The following ARAP2 variants were observed in gnomAD, a reference collection of about 807,000 sequenced individuals.
ARAP2 encodes the protein ArfGAP with RhoGAP domain, ankyrin repeat and PH domain 2.
ARAP2 carries 148 observed loss-of-function variants against 194.5 expected under a neutral mutation model. The ratio of observed to expected loss-of-function variants is 0.76; its 90% CI spans 0.67 to 0.87. The LOEUF is 0.87. Ranked by LOEUF, ARAP2 falls within the 40% of genes least tolerant of loss-of-function variation. The pLI is 0.00. For synonymous variants in ARAP2, 695 were observed against 683.5 expected, an observed-to-expected ratio of 1.02 and a Z score of -0.26; for missense variants, 2,128 against 1,989.7, an observed-to-expected ratio of 1.07 and a Z score of -1.32.
chr4:36,071,001 A>G (rs140721348), intron 32 of ARAP2, among the ~76,000 whole-genome samples: 1 of 152,278 alleles, frequency 6.6e-6, no homozygotes, highest in African/African-American at 2.4e-5. Flanking sequence ...TGTGCTCAGG[A>G]TACTAACAAC....
At chr4:36,030,174 T>C (rs571461770) in intron 5 of ARAP2, among the ~76,000 whole-genome samples, 9 of 152,210 alleles carry the variant, frequency 5.9e-5, no homozygotes, top group Admixed American at 3.9e-4. Flanking sequence ...GAAAGACAGC[T>C]TGGCTGGAAA....
intron 26 of ARAP2, among the ~76,000 whole-genome samples, chr4:36,108,585 T>A (rs1368240206): frequency 1.3e-5 from 2 of 152,040 alleles, no homozygotes; most frequent in African/African-American, 4.8e-5. Context: ...TTACATGACA[T>A]CTTCAATATA....
At chr4:36,143,688 C>T (rs1044868461) in intron 19 of ARAP2, among the ~76,000 whole-genome samples, 3 of 151,646 alleles carry the variant, frequency 2.0e-5, no homozygotes, top group East Asian at 1.9e-4. Context: ...AATATAATTG[C>T]GTTTAAATGG....
At chr4:36,035,921 T>C (rs1719835343) in intron 5 of ARAP2, among the ~76,000 whole-genome samples, 1 of 152,160 alleles carries the variant, frequency 6.6e-6, no homozygotes, top group African/African-American at 2.4e-5. Flanking sequence ...TATACAGTAT[T>C]AACTTTGTGA....
At chr4:36,148,576 G>T (rs1352994704) in intron 16 of ARAP2, 69 bp from the exon 17 acceptor site, 59 of 1,078,894 alleles carry the variant, frequency 5.5e-5, no homozygotes, top group Non-Finnish European at 7.4e-5. Flanking sequence ...ATAACACAAA[G>T]GTCATGTTTT....
chr4:36,189,907 T>C (rs538311247), intron 7 of ARAP2, among the ~76,000 whole-genome samples: 23 of 152,324 alleles, frequency 1.5e-4, no homozygotes, highest in African/African-American at 5.5e-4. Context: ...AAATATCAAC[T>C]CTTCCAGTCC....
chr4:36,118,166 T>C (rs4833107), intron 24 of ARAP2, among the ~76,000 whole-genome samples: 45,432 of 150,964 alleles, frequency 0.3, 8,088 homozygotes, highest in East Asian at 0.47. Flanking sequence ...TTCCAGTTTT[T>C]CCTCCTGACT....
intron 5 of ARAP2, among the ~76,000 whole-genome samples, chr4:36,211,585 T>A (rs1036635221): frequency 6.6e-6 from 1 of 152,184 alleles, no homozygotes; most frequent in Non-Finnish European, 1.5e-5. Context: ...TATTAGATTA[T>A]GTCAAATGTT....
intron 21 of ARAP2, 28 bp downstream of exon 21, chr4:36,128,500 ACACAT>A: frequency 6.5e-7 from 1 of 1,535,412 alleles, no homozygotes; most frequent in Non-Finnish European, 9.0e-7. Context: ...ACACACACAC[ACACAT>A]ATCTACAAAT....
intron 6 of ARAP2, among the ~76,000 whole-genome samples, chr4:36,209,734 T>A (rs886325219): frequency 6.6e-6 from 1 of 152,144 alleles, no homozygotes; most frequent in Non-Finnish European, 1.5e-5. Flanking sequence ...CAAAAAGACA[T>A]CTAAAAATTA....
chr4:36,193,607 G>A lies in ARAP2; in HGVS notation c.1528C>T (p.Leu510Phe), dbSNP rs780176087. The A allele has an allele frequency of 6.3e-7, 1 of 1,597,694 alleles. No individual in the cohort carries two copies. Among genetic ancestry groups the A allele is most frequent in the Non-Finnish European group, 8.5e-7 (1 of 1,172,836 alleles). ...FQKRWVKFDG[L>F]SISYYNNEKE... ...TCATTATTGTAGTAAGAAATGCTAA[G>A]GCCATCAAATTTCACCCATCTCTTT... is the stretch of plus-strand genomic sequence containing the variant. Residue 510 changes from leucine to phenylalanine, a missense_variant, in exon 7 of 33, where the codon CTT becomes TTT. Transcript: ENST00000303965.
intron 6 of ARAP2, among the ~76,000 whole-genome samples, chr4:36,017,305 T>C (rs1314236216): frequency 1.3e-5 from 2 of 151,810 alleles, no homozygotes; most frequent in African/African-American, 4.8e-5. Flanking sequence ...TGCCAATCAC[T>C]TTTCTTGGCA....
intron 1 of ARAP2, among the ~76,000 whole-genome samples, chr4:36,233,322 C>G (rs1259952211): frequency 6.6e-6 from 1 of 152,196 alleles, no homozygotes. Context: ...ATGCCACAGT[C>G]TAGATCAGTG....
At chr4:36,230,845 A>T (rs1482929984) in intron 1 of ARAP2, among the ~76,000 whole-genome samples, 1 of 152,212 alleles carries the variant, frequency 6.6e-6, no homozygotes, top group African/African-American at 2.4e-5. Flanking sequence ...CCCATAAGCT[A>T]CGGCTTCAAC....
chr4:36,162,067 C>A (rs1734170866), intron 11 of ARAP2, among the ~76,000 whole-genome samples: 2 of 150,088 alleles, frequency 1.3e-5, no homozygotes, highest in East Asian at 2.0e-4. Flanking sequence ...CAGATCTTGC[C>A]ACTGCACTCC....
At position 36,128,736 on chromosome 4, in the gene ARAP2, C is replaced by T. The variant is rs1428243654; in HGVS notation, c.3437G>A (p.Cys1146Tyr). 4 of 1,557,396 alleles carry T rather than the reference C, an allele frequency of 2.6e-6. No individual in the cohort carries two copies. Among genetic ancestry groups the T allele is most frequent in the African/African-American group, 1.7e-5 (1 of 59,394 alleles). Residue 1146 changes from cysteine (C) to tyrosine (Y), a missense_variant, in exon 21 of 33, where the codon TGC (cysteine) becomes TAC (tyrosine). Coordinates refer to ENST00000303965, the MANE Select transcript of ARAP2 (RefSeq NM_015230.4). Reference protein sequence around the residue: ...IAFVTQYGLGCKYIYQKNGDP... With the variant: ...IAFVTQYGLGYKYIYQKNGDP... ...ACCATTCTTTTGATAGATATATTTG[C>T]ATCCTAAACCTTTGTTTAAAAAAAA...
At chr4:36,165,968 C>T (rs1735197705) in intron 10 of ARAP2, among the ~76,000 whole-genome samples, 1 of 152,102 alleles carries the variant, frequency 6.6e-6, no homozygotes, top group South Asian at 2.1e-4. Flanking sequence ...CTTTTTGAAG[C>T]TCTTTAGGAT....
intron 24 of ARAP2, 129 bp from the exon 25 acceptor site, chr4:36,117,264 C>G: frequency 5.0e-6 from 3 of 595,756 alleles, no homozygotes; most frequent in Non-Finnish European, 8.1e-6. Flanking sequence ...AAGCTCAATT[C>G]CCCTGCTCAC....
rs1754244872 is a variant in ARAP2, at chr4:36,244,387, G to A, written c.-368C>T. 2.7e-5 allele frequency: 4 copies of A among 150,752 alleles called. No individual in the cohort carries two copies. In the South Asian group the frequency reaches 8.3e-4, roughly 31 times the overall value. The allele number at this position is 150,752 out of a possible 1,614,324, so 9.3% of individuals were successfully genotyped here. ...GCGGCGCTGTTAGTGGGGCCGGCGT[G>A]TCGCGGCCGCCGCACCTGGAGGCGG... is the stretch of plus-strand genomic sequence containing the variant. On this transcript the variant is annotated 5_prime_UTR_variant, in exon 1 of 33. Transcript: ENST00000303965.
Sources: gnomAD v4.1 joint callset for allele counts (sites outside exome capture counted in the v4.1 genomes callset) on GRCh38, gnomAD v4.1.1 for gene constraint, MANE v1.5 for transcripts, NCBI Gene and HGNC (gene_info 2026-07-23, HGNC 2026-07-21) for gene names.